The following NR3C2 variants were observed in gnomAD, a reference collection of about 807,000 sequenced individuals.
NR3C2 encodes mineralocorticoid receptor.
NR3C2 carries 15 observed loss-of-function variants against 86.4 expected under a neutral mutation model. The ratio of observed to expected loss-of-function variants is 0.17; its 90% confidence interval spans 0.12 to 0.27. The LOEUF (loss-of-function observed/expected upper bound fraction) is 0.27. Ranked by LOEUF, NR3C2 falls within the 10% of genes least tolerant of loss-of-function variation. The pLI is 1.00. For missense variants in NR3C2, 960 were observed against 1,195.6 expected, an observed-to-expected ratio of 0.80 and a Z score of 2.91; for synonymous variants, 458 against 450.5, an observed-to-expected ratio of 1.02 and a Z score of -0.21.
In NR3C2 at chr4:148,442,309, C is replaced by G. The variant is rs190427520; in HGVS notation, c.-152G>C. On this transcript the variant is annotated 5_prime_UTR_variant, in exon 1 of 9. Coordinates refer to ENST00000358102, the MANE Select transcript of NR3C2 (RefSeq NM_000901.5). ...GCAGCGGGAGAGCCCGAGGCAGCAA[C>G]GCTCTTGCACCCAGGTGACTGACTG... 1 of 152,620 alleles carries G rather than the reference C, an allele frequency of 6.6e-6. No homozygotes were observed. Among genetic ancestry groups the G allele is most frequent in the Non-Finnish European group, 1.5e-5 (1 of 68,210 alleles). The allele number at this position is 152,620 out of a possible 1,614,324, so 9.5% of individuals were successfully genotyped here. A position where few individuals can be genotyped will look rare whatever the true frequency, so the allele number is the denominator to read the frequency against.
rs1429223892 is a variant in NR3C2, at chr4:148,296,377, G to A, written c.1758-36260C>T. Among the ~76,000 whole-genome samples, 3 of 152,042 alleles carry A rather than the reference G, an allele frequency of 2.0e-5. No homozygotes were observed. The East Asian group carries it at 5.8e-4, about 29-fold the overall frequency. On this transcript the variant is annotated intron_variant, in intron 2 of 8. Coordinates refer to ENST00000358102, the MANE Select transcript of NR3C2 (RefSeq NM_000901.5). ...TTTAGATTGGGAAAAACAGAAACAA[G>A]TAATATTTTATTTTGTCCTATTATA...
At chr4:148,282,531 T>C (rs1281391876) in intron 2 of NR3C2, among the ~76,000 whole-genome samples, 1 of 152,210 alleles carries the variant, frequency 6.6e-6, no homozygotes, top group Non-Finnish European at 1.5e-5. Flanking sequence ...AGTCAGTCTA[T>C]TCCTGCAACA....
intron 2 of NR3C2, among the ~76,000 whole-genome samples, chr4:148,295,885 CAT>C (rs1012082824): frequency 6.6e-5 from 10 of 151,884 alleles, no homozygotes; most frequent in African/African-American, 2.4e-4. Context: ...ATTTGGAACA[CAT>C]ATAGACTGCA....
At chr4:148,419,095 C>CA (rs568786194) in intron 2 of NR3C2, among the ~76,000 whole-genome samples, 2 of 147,668 alleles carry the variant, frequency 1.4e-5, no homozygotes, top group Non-Finnish European at 3.0e-5. Context: ...GTTGTTTTTC[C>CA]TTTTTTTTTT....
chr4:148,113,515 G>GAA (rs57815759), intron 8 of NR3C2, among the ~76,000 whole-genome samples: 1 of 145,686 alleles, frequency 6.9e-6, no homozygotes, highest in African/African-American at 2.5e-5. Context: ...AAGGTTATTT[G>GAA]AAAAAAAAAA....
chr4:148,411,261 G>C (rs1748689759), intron 2 of NR3C2, among the ~76,000 whole-genome samples: 1 of 151,960 alleles, frequency 6.6e-6, no homozygotes, highest in African/African-American at 2.4e-5. Context: ...TGTTGTTGCT[G>C]TCACTTGGGG....
At chr4:148,169,078 A>G (rs1480927304) in intron 4 of NR3C2, among the ~76,000 whole-genome samples, 1 of 152,210 alleles carries the variant, frequency 6.6e-6, no homozygotes, top group Non-Finnish European at 1.5e-5. Flanking sequence ...CCCTGAAGGC[A>G]GGTCACTACG....
intron 2 of NR3C2, among the ~76,000 whole-genome samples, chr4:148,429,632 A>G (rs1413510426): frequency 6.6e-6 from 1 of 152,228 alleles, no homozygotes; most frequent in Non-Finnish European, 1.5e-5. Context: ...CCACCTTACT[A>G]TATAAGGAAC....
intron 8 of NR3C2, among the ~76,000 whole-genome samples, chr4:148,103,957 C>T (rs1003692904): frequency 1.3e-5 from 2 of 152,176 alleles, no homozygotes; most frequent in Non-Finnish European, 2.9e-5. Context: ...TTCCTATTTA[C>T]CACCCATTAT....
chr4:148,289,044 A>G (rs1741670552), intron 2 of NR3C2, among the ~76,000 whole-genome samples: 1 of 152,188 alleles, frequency 6.6e-6, no homozygotes, highest in Non-Finnish European at 1.5e-5. Flanking sequence ...AAGACCAAAC[A>G]GAATATATGT....
chr4:148,083,398 C>G (rs1730668576), intron 8 of NR3C2, among the ~76,000 whole-genome samples: 1 of 152,186 alleles, frequency 6.6e-6, no homozygotes, highest in Non-Finnish European at 1.5e-5. Context: ...CCCAAGCAAA[C>G]AGGGTCTGGA....
At chr4:148,433,792 A>G (rs1749909919) in intron 2 of NR3C2, among the ~76,000 whole-genome samples, 1 of 152,182 alleles carries the variant, frequency 6.6e-6, no homozygotes, top group Admixed American at 6.5e-5. Context: ...AAGTAAAGCA[A>G]AGCACTAGCA....
chr4:148,418,661 T>G (rs1205340563), intron 2 of NR3C2, among the ~76,000 whole-genome samples: 1 of 152,222 alleles, frequency 6.6e-6, no homozygotes, highest in Non-Finnish European at 1.5e-5. Context: ...CTATTTCAAT[T>G]TTAATTGAAA....
At chr4:148,378,886 T>C (rs573705702) in intron 2 of NR3C2, among the ~76,000 whole-genome samples, 1 of 152,334 alleles carries the variant, frequency 6.6e-6, no homozygotes, top group African/African-American at 2.4e-5. Context: ...CATTGCACCA[T>C]GATTTAGAAT....
rs35315376 is a variant in NR3C2 at position 148,215,780 on chromosome 4, GTT to G, written c.1898-20920_1898-20919del. On this transcript the variant is annotated intron_variant, in intron 3 of 8. Coordinates refer to ENST00000358102, the MANE Select transcript of NR3C2 (RefSeq NM_000901.5). ...AATATTTTAGGCTTTTTGAGGCATA[GTT>G]TTTTTTTTTTTTTTTGAGATGGAGT... Among the ~76,000 whole-genome samples the G allele has an allele frequency of 7.4e-5, 10 of 134,436 alleles. 1 individual carries two copies. The South Asian group carries it at 1.5e-3, about 20-fold the overall frequency. 88.2% of individuals were successfully genotyped at this position (134,436 alleles called of 152,430 possible). A position where few individuals can be genotyped will look rare whatever the true frequency, so the allele number is the denominator to read the frequency against.
At chr4:148,371,946 T>C (rs1421368343) in intron 2 of NR3C2, among the ~76,000 whole-genome samples, 1 of 152,152 alleles carries the variant, frequency 6.6e-6, no homozygotes. Context: ...TTTTTTTCAT[T>C]TATTCATTCC....
intron 3 of NR3C2, among the ~76,000 whole-genome samples, chr4:148,219,322 T>C (rs1737710962): frequency 6.6e-6 from 1 of 152,174 alleles, no homozygotes; most frequent in Admixed American, 6.5e-5. Context: ...GTTGTCATCT[T>C]ATTATGGAGT....
At chr4:148,123,150 G>A (rs758916162) in intron 6 of NR3C2, among the ~76,000 whole-genome samples, 3 of 151,870 alleles carry the variant, frequency 2.0e-5, no homozygotes, top group Non-Finnish European at 2.9e-5. Context: ...TGTCTTATGC[G>A]GTTGAGATAA....
At chr4:148,205,886 A>T (rs1736979052) in intron 3 of NR3C2, among the ~76,000 whole-genome samples, 1 of 152,178 alleles carries the variant, frequency 6.6e-6, no homozygotes, top group Non-Finnish European at 1.5e-5. Context: ...TAAAAAAAAA[A>T]TGTTGTCAGA....
Sources: allele counts gnomAD v4.1 joint callset (sites outside exome capture counted in the v4.1 genomes callset), GRCh38; gene constraint gnomAD v4.1.1; transcripts MANE v1.5; gene names NCBI Gene and HGNC (gene_info 2026-07-23, HGNC 2026-07-21).